CALN1: variants seen among roughly 807,000 people sequenced by gnomAD.
CALN1 encodes the protein calneuron 1, also known as calcium-binding protein 8.
In CALN1, 17 loss-of-function variants were observed where a neutral mutation model predicts 30.6. The ratio of observed to expected loss-of-function variants is 0.56; its 90% CI spans 0.38 to 0.83. CALN1 has a LOEUF of 0.83. CALN1 is among the 40% of genes least tolerant of loss of function. The pLI is 0.00. For synonymous variants in CALN1, 156 were observed against 131.4 expected (o/e 1.19, Z -1.28); for missense variants, 291 against 354.9 (o/e 0.82, Z 1.45).
chr7:72,441,678 C>T (rs1405039104), intron 1 of CALN1, among the ~76,000 whole-genome samples: 3 of 149,508 alleles, frequency 2.0e-5, no homozygotes, highest in African/African-American at 7.4e-5. Flanking sequence ...GTAGAATGTA[C>T]AAACAGGGCG....
At chr7:72,141,971 T>G (rs746481693) in intron 3 of CALN1, among the ~76,000 whole-genome samples, 1 of 152,046 alleles carries the variant, frequency 6.6e-6, no homozygotes, top group Admixed American at 6.5e-5. Flanking sequence ...ACATTTCAGG[T>G]TGAAATATGA....
chr7:72,138,143 T>C lies in CALN1; in HGVS notation c.245-31849A>G, dbSNP rs577975239. Reference sequence around the variant, plus strand: ...CAAATATGTTTTCTTAAGAAATCAGTATATAAAACTATATGTGTAATATGG... The same window carrying C: ...CAAATATGTTTTCTTAAGAAATCAGCATATAAAACTATATGTGTAATATGG... On this transcript the variant is annotated intron_variant, in intron 3 of 6. Coordinates refer to ENST00000395275, the MANE Select transcript of CALN1 (RefSeq NM_031468.4). Among the ~76,000 whole-genome samples the C allele has an allele frequency of 5.3e-5, 8 of 152,336 alleles. No homozygotes were observed. The South Asian group carries it at 1.7e-3, about 32-fold the overall frequency.
rs999219391 is a variant in CALN1 at position 72,079,704 on chromosome 7, T to C, written c.388+26447A>G. ...CAGCTCCTGACCAGTTCAGACTCAC[T>C]GAAACCACTGGCCCTTCAACTAGGC... On this transcript the variant is annotated intron_variant, in intron 4 of 6. Transcript: ENST00000395275. 2.7e-5 allele frequency among the ~76,000 whole-genome samples: 4 copies of C among 150,792 alleles called. No homozygotes were observed. The East Asian group carries it at 7.8e-4, about 29-fold the overall frequency.
chr7:71,982,330 T>C (rs1051737999), intron 5 of CALN1, among the ~76,000 whole-genome samples: 56 of 152,156 alleles, frequency 3.7e-4, no homozygotes, highest in African/African-American at 1.3e-3. Context: ...CACAGTGGCT[T>C]ACGCCTGTAA....
chr7:72,234,200 G>A (rs1794316610), intron 3 of CALN1, among the ~76,000 whole-genome samples: 1 of 152,098 alleles, frequency 6.6e-6, no homozygotes, highest in African/African-American at 2.4e-5. Flanking sequence ...GGTAAAGCAG[G>A]ATTAGAACCC....
At chr7:72,171,447 G>A (rs1788953941) in intron 3 of CALN1, among the ~76,000 whole-genome samples, 1 of 152,090 alleles carries the variant, frequency 6.6e-6, no homozygotes, top group Admixed American at 6.6e-5. Context: ...AACATAGTGA[G>A]ACCCCATTTT....
intron 1 of CALN1, among the ~76,000 whole-genome samples, chr7:72,420,632 T>C (rs1448980125): frequency 6.6e-6 from 1 of 150,786 alleles, no homozygotes; most frequent in African/African-American, 2.4e-5. Flanking sequence ...TTTTTTTTTT[T>C]TTTTTTTTTG....
chr7:71,944,843 GTCTC>G (rs1455231021), intron 5 of CALN1, among the ~76,000 whole-genome samples: 19 of 152,302 alleles, frequency 1.2e-4, no homozygotes, highest in African/African-American at 4.6e-4. Context: ...TGTGGTACCA[GTCTC>G]CCAGCATCCT....
chr7:71,920,635 G>A (rs1450871311), intron 5 of CALN1, among the ~76,000 whole-genome samples: 2 of 151,966 alleles, frequency 1.3e-5, no homozygotes, highest in Admixed American at 1.3e-4. Context: ...GCACCCGGCC[G>A]ACAAATTAGT....
At chr7:72,264,596 G>A (rs1390425870) in intron 3 of CALN1, among the ~76,000 whole-genome samples, 2 of 151,848 alleles carry the variant, frequency 1.3e-5, no homozygotes, top group African/African-American at 4.8e-5. Flanking sequence ...GAACTCTTAG[G>A]CTCAAGCAAT....
intron 3 of CALN1, among the ~76,000 whole-genome samples, chr7:72,178,730 C>A (rs113232422): frequency 2.5e-4 from 38 of 152,088 alleles, no homozygotes; most frequent in Middle Eastern, 3.4e-3. Flanking sequence ...TTGACAAACT[C>A]CCGCTTTATT....
rs144550485 is a variant in CALN1, at chr7:72,320,356, C to T, written c.120-41546G>A. Among the ~76,000 whole-genome samples the T allele has an allele frequency of 2.1e-3, 315 of 152,164 alleles. 1 individual carries two copies. The highest frequency in any genetic ancestry group is 6.8e-3 in the African/African-American group (281 of 41,530). ...AGTCCAGTGAGTCGAGCCTGAAGTG[C>T]GGGAGGATTCAGGGAGCTCTATCTG... On this transcript the variant is annotated intron_variant, in intron 2 of 6. Coordinates refer to ENST00000395275, the MANE Select transcript of CALN1 (RefSeq NM_031468.4).
chr7:71,877,372 A>C (rs1349455858), intron 5 of CALN1, among the ~76,000 whole-genome samples: 1 of 152,216 alleles, frequency 6.6e-6, no homozygotes, highest in Non-Finnish European at 1.5e-5. Flanking sequence ...GCAGCAAAAC[A>C]AAAGAGAGTA....
chr7:72,053,986 G>C (rs1289107947), intron 4 of CALN1, among the ~76,000 whole-genome samples: 1 of 152,012 alleles, frequency 6.6e-6, no homozygotes, highest in Non-Finnish European at 1.5e-5. Context: ...TTTTTTGGCT[G>C]AGTAGTATTC....
rs560264738 is a variant in CALN1 at position 72,272,360 on chromosome 7, G to A, written c.244+6326C>T. Among the ~76,000 whole-genome samples, 185 of 152,054 alleles carry A rather than the reference G, an allele frequency of 1.2e-3. 1 individual carries two copies. The highest frequency in any genetic ancestry group is 6.7e-3 in the Admixed American group (103 of 15,278). On this transcript the variant is annotated intron_variant, in intron 3 of 6. Transcript: ENST00000395275. ...GTGGACCACCTGAGGTCAGAAGTTC[G>A]AGACCAACCTGGCCAACATGGCAAA...
intron 1 of CALN1, among the ~76,000 whole-genome samples, chr7:72,429,386 A>C (rs1282398671): frequency 1.3e-5 from 2 of 152,166 alleles, no homozygotes. Flanking sequence ...AATATCCCCC[A>C]AAAATGAATG....
At chr7:72,386,628 A>T (rs1331291184) in intron 2 of CALN1, among the ~76,000 whole-genome samples, 1 of 152,094 alleles carries the variant, frequency 6.6e-6, no homozygotes, top group Non-Finnish European at 1.5e-5. Flanking sequence ...CATCAGTGTA[A>T]ACCTATGTGT....
chr7:72,306,411 A>T (rs1039375787), intron 2 of CALN1, among the ~76,000 whole-genome samples: 1 of 152,166 alleles, frequency 6.6e-6, no homozygotes, highest in Non-Finnish European at 1.5e-5. Flanking sequence ...CTTCAGAAGA[A>T]GGTCTCCACA....
chr7:72,400,470 G>A lies in CALN1; in HGVS notation c.119+2781C>T, dbSNP rs79718991. On this transcript the variant is annotated intron_variant, in intron 2 of 6. Coordinates refer to ENST00000395275, the MANE Select transcript of CALN1 (RefSeq NM_031468.4). ...TTGATGATGAGCTAAATTTTGAACC[G>A]GCCATTGCTTGGCATTGCTCCTTCT... Among the ~76,000 whole-genome samples, 530 of 152,238 alleles carry A rather than the reference G, an allele frequency of 3.5e-3. 3 individuals carry two copies. The highest frequency in any genetic ancestry group is 0.012 in the African/African-American group (515 of 41,528).
Sources: gnomAD v4.1 joint callset for allele counts (sites outside exome capture counted in the v4.1 genomes callset) on GRCh38, gnomAD v4.1.1 for gene constraint, MANE v1.5 for transcripts, NCBI Gene and HGNC (gene_info 2026-07-23, HGNC 2026-07-21) for gene names.